Variants in ZNF804B observed in about 807,000 individuals in gnomAD.
ZNF804B encodes zinc finger protein 804B, also known as zinc finger 804B.
A neutral mutation model predicts 101.4 loss-of-function variants in ZNF804B; 80 were observed. That is an observed-to-expected ratio of 0.79 (90% CI 0.66 to 0.95). The LOEUF is 0.95. Among genes scored for constraint, ZNF804B ranks in the 40% least tolerant of loss-of-function variants. ZNF804B has a pLI of 0.00. For missense variants in ZNF804B, 1,673 were observed against 1,561.9 expected (o/e 1.07, Z -1.20); for synonymous variants, 622 against 558.8 (o/e 1.11, Z -1.59).
chr7:88,817,463 A>G (rs556740133), intron 1 of ZNF804B, among the ~76,000 whole-genome samples: 12 of 152,160 alleles, frequency 7.9e-5, no homozygotes, highest in Non-Finnish European at 1.6e-4. Flanking sequence ...TAATGGCTCT[A>G]TGGTGGAATT....
At chr7:88,880,945 G>T (rs2115907101) in intron 1 of ZNF804B, among the ~76,000 whole-genome samples, 1 of 152,034 alleles carries the variant, frequency 6.6e-6, no homozygotes, top group East Asian at 1.9e-4. Context: ...GTAGATAATA[G>T]AAGCAAATAA....
intron 1 of ZNF804B, among the ~76,000 whole-genome samples, chr7:89,156,023 T>C (rs201216414): frequency 2.0e-4 from 6 of 30,024 alleles, no homozygotes; most frequent in African/African-American, 3.7e-4. Flanking sequence ...CTCTTTCCTT[T>C]CTTTCTTTCT....
intron 1 of ZNF804B, among the ~76,000 whole-genome samples, chr7:89,120,711 C>G (rs1790392195): frequency 6.6e-6 from 1 of 151,240 alleles, no homozygotes. Flanking sequence ...TCGTCAGCAC[C>G]TTATGTCCAA....
At chr7:88,773,989 A>G (rs1790107339) in intron 1 of ZNF804B, among the ~76,000 whole-genome samples, 1 of 152,022 alleles carries the variant, frequency 6.6e-6, no homozygotes, top group Admixed American at 6.6e-5. Flanking sequence ...TCCAAACTGT[A>G]TCAGTGACCA....
intron 1 of ZNF804B, among the ~76,000 whole-genome samples, chr7:88,935,046 T>G (rs1029906014): frequency 2.0e-5 from 3 of 151,342 alleles, no homozygotes; most frequent in African/African-American, 7.3e-5. Flanking sequence ...TGTGTATATA[T>G]ATATACACAC....
At chr7:89,090,613 A>G (rs1217038752) in intron 1 of ZNF804B, among the ~76,000 whole-genome samples, 3 of 152,076 alleles carry the variant, frequency 2.0e-5, no homozygotes, top group Admixed American at 6.6e-5. Context: ...TAGGAAATTC[A>G]GCATTACTAA....
At chr7:88,934,009 C>T (rs1234129002) in intron 1 of ZNF804B, among the ~76,000 whole-genome samples, 2 of 150,150 alleles carry the variant, frequency 1.3e-5, no homozygotes, top group African/African-American at 4.9e-5. Flanking sequence ...CATTACCCAA[C>T]TTCAAACTAT....
intron 1 of ZNF804B, among the ~76,000 whole-genome samples, chr7:88,792,281 A>G (rs1790393195): frequency 6.6e-6 from 1 of 152,126 alleles, no homozygotes; most frequent in Admixed American, 6.6e-5. Context: ...GGCATGTGGG[A>G]TTGGATATAT....
chr7:89,248,029 G>C (rs1789477651), intron 2 of ZNF804B, among the ~76,000 whole-genome samples: 3 of 152,120 alleles, frequency 2.0e-5, no homozygotes, highest in Admixed American at 2.0e-4. Flanking sequence ...GTCTTTTGGA[G>C]TAAGCCAGTT....
chr7:89,064,143 A>G (rs906473771), intron 1 of ZNF804B, among the ~76,000 whole-genome samples: 2 of 152,086 alleles, frequency 1.3e-5, no homozygotes, highest in Admixed American at 6.6e-5. Context: ...CCCTCCGTGG[A>G]GCTCTGGACG....
At chr7:89,046,116 T>G (rs557707583) in intron 1 of ZNF804B, among the ~76,000 whole-genome samples, 2,139 of 152,144 alleles carry the variant, frequency 0.014, 43 homozygotes, top group African/African-American at 0.048. Context: ...TACAAGGGGC[T>G]TTTTCCTTTT....
intron 1 of ZNF804B, among the ~76,000 whole-genome samples, chr7:89,131,790 C>T (rs1294103410): frequency 6.6e-6 from 1 of 151,972 alleles, no homozygotes; most frequent in East Asian, 1.9e-4. Flanking sequence ...CCTGTCATAA[C>T]TCCTCATTCT....
intron 1 of ZNF804B, among the ~76,000 whole-genome samples, chr7:89,105,749 C>G (rs1039359391): frequency 1.3e-5 from 2 of 152,114 alleles, no homozygotes; most frequent in Non-Finnish European, 2.9e-5. Flanking sequence ...AGTTTCTGAT[C>G]TCACAGGTCC....
At chr7:88,980,940 C>T (rs1304606681) in intron 1 of ZNF804B, among the ~76,000 whole-genome samples, 1 of 152,040 alleles carries the variant, frequency 6.6e-6, no homozygotes, top group Non-Finnish European at 1.5e-5. Flanking sequence ...TCTGTAAATG[C>T]CATCTGGAAT....
At chr7:89,070,782 T>A (rs534231277) in intron 1 of ZNF804B, among the ~76,000 whole-genome samples, 1 of 152,218 alleles carries the variant, frequency 6.6e-6, no homozygotes, top group African/African-American at 2.4e-5. Context: ...GACCATTGAT[T>A]TTTTTTCTCG....
intron 1 of ZNF804B, among the ~76,000 whole-genome samples, chr7:88,877,032 T>TATATATATATTATATATA (rs1562820453): frequency 2.2e-5 from 1 of 44,968 alleles, no homozygotes; most frequent in African/African-American, 1.1e-4. Flanking sequence ...ATATAATATA[T>TATATATATATTATATATA]ATATATATAT....
At chr7:88,879,601 T>G (rs528790558) in intron 1 of ZNF804B, among the ~76,000 whole-genome samples, 1 of 152,254 alleles carries the variant, frequency 6.6e-6, no homozygotes, top group African/African-American at 2.4e-5. Context: ...TGAAGCCCCA[T>G]GCATAGAAGA....
chr7:89,106,953 G>A (rs2116346505), intron 1 of ZNF804B, among the ~76,000 whole-genome samples: 1 of 152,182 alleles, frequency 6.6e-6, no homozygotes, highest in African/African-American at 2.4e-5. Flanking sequence ...ACAGCTATGT[G>A]ACTCACAGAA....
At chr7:89,322,585 G>T (rs801829) in intron 2 of ZNF804B, among the ~76,000 whole-genome samples, 26,331 of 151,970 alleles carry the variant, frequency 0.17, 3,945 homozygotes, top group East Asian at 0.69. Flanking sequence ...TTTAAATGAG[G>T]TAACATTGCA....
Sources: allele counts gnomAD v4.1 joint callset (sites outside exome capture counted in the v4.1 genomes callset), GRCh38; gene constraint gnomAD v4.1.1; transcripts MANE v1.5; gene names NCBI Gene and HGNC (gene_info 2026-07-23, HGNC 2026-07-21).